NRXN1: variants seen among roughly 807,000 people sequenced by gnomAD.
The protein encoded by NRXN1 is neurexin-1.
In NRXN1, 39 loss-of-function variants were observed where a neutral mutation model predicts 150.9. The ratio of observed to expected loss-of-function variants is 0.26; its 90% CI spans 0.20 to 0.34. The LOEUF (loss-of-function observed/expected upper bound fraction) is 0.34. NRXN1 is among the 10% of genes least tolerant of loss of function. The probability of loss-of-function intolerance (pLI) is 1.00; values close to 1 mark genes in which losing one functional copy is unlikely to be tolerated. For synonymous variants in NRXN1, 924 were observed against 757.0 expected (o/e 1.22, Z -3.62); for missense variants, 1,815 against 1,949.9 (o/e 0.93, Z 1.30).
intron 2 of NRXN1, among the ~76,000 whole-genome samples, chr2:50,949,627 T>C (rs773614725): frequency 6.6e-6 from 1 of 152,028 alleles, no homozygotes; most frequent in Non-Finnish European, 1.5e-5. Flanking sequence ...CTGAGCATAA[T>C]ACATGGTGTG....
intron 22 of NRXN1, among the ~76,000 whole-genome samples, chr2:49,933,413 C>T (rs1399214502): frequency 6.6e-6 from 1 of 152,054 alleles, no homozygotes; most frequent in Non-Finnish European, 1.5e-5. Context: ...AGCAGTTGCC[C>T]AGTTCTAGCC....
At chr2:50,230,201 T>A (rs1424887250) in intron 18 of NRXN1, among the ~76,000 whole-genome samples, 1 of 152,016 alleles carries the variant, frequency 6.6e-6, no homozygotes, top group Non-Finnish European at 1.5e-5. Context: ...GAAAAAACTG[T>A]TCAATGACTG....
At position 50,880,753 on chromosome 2, in the gene NRXN1, T is replaced by C. The variant is rs563348999; in HGVS notation, c.832+41116A>G. Among the ~76,000 whole-genome samples the C allele has an allele frequency of 5.3e-5, 8 of 152,110 alleles. No individual in the cohort carries two copies. In the East Asian group the frequency reaches 9.7e-4, roughly 19 times the overall value. On this transcript the variant is annotated intron_variant, in intron 5 of 22. Coordinates refer to ENST00000401669, the MANE Select transcript of NRXN1 (RefSeq NM_001330078.2). Reference sequence around the variant, plus strand: ...GGAGTTTGACTGTGAACACCAATTATGGAACCCAGGTCTATAGAAATACAC... The same window carrying C: ...GGAGTTTGACTGTGAACACCAATTACGGAACCCAGGTCTATAGAAATACAC...
intron 17 of NRXN1, among the ~76,000 whole-genome samples, chr2:50,344,353 T>C (rs1047490376): frequency 3.3e-5 from 5 of 151,686 alleles, no homozygotes; most frequent in African/African-American, 9.7e-5. Context: ...TTGGCAGGGG[T>C]TGGTTACTGA....
rs551391855 is a variant in NRXN1, at chr2:49,998,673, T to A, written c.4128+54598A>T. Among the ~76,000 whole-genome samples the A allele has an allele frequency of 3.4e-4, 52 of 152,276 alleles. No individual in the cohort carries two copies. The South Asian group carries it at 4.4e-3, about 13-fold the overall frequency. ...GATGATGGACATAATTTAACCTTTT[T>A]AAAAAAAATAATGTCATGGCTTTCA... On this transcript the variant is annotated intron_variant, in intron 21 of 22. Transcript: ENST00000401669.
At chr2:50,129,154 A>C (rs1705086952) in intron 18 of NRXN1, among the ~76,000 whole-genome samples, 3 of 152,252 alleles carry the variant, frequency 2.0e-5, no homozygotes, top group Admixed American at 2.0e-4. Context: ...AAGAGAAATT[A>C]TCCTATCTGA....
intron 5 of NRXN1, among the ~76,000 whole-genome samples, chr2:50,810,642 TAC>T (rs1224393455): frequency 1.3e-5 from 2 of 152,238 alleles, no homozygotes; most frequent in African/African-American, 4.8e-5. Flanking sequence ...CTTGACACAA[TAC>T]AGAAATTAAT....
rs866362228 is a variant in NRXN1 at position 50,812,088 on chromosome 2, C to G, written c.832+109781G>C. ...TTGAGAAACCAGATGAAAAAAAAAA[C>G]TTAACTGTACTTTTCAAAAAACTTG... On this transcript the variant is annotated intron_variant, in intron 5 of 22. Transcript: ENST00000401669. Among the ~76,000 whole-genome samples the G allele has an allele frequency of 2.6e-5, 4 of 151,748 alleles. No individual in the cohort carries two copies. The South Asian group carries it at 6.2e-4, about 24-fold the overall frequency.
chr2:50,141,162 A>G (rs1707219188), intron 18 of NRXN1, among the ~76,000 whole-genome samples: 1 of 152,044 alleles, frequency 6.6e-6, no homozygotes, highest in Non-Finnish European at 1.5e-5. Flanking sequence ...TACAGATAAG[A>G]GAGTGATTAG....
chr2:50,842,999 A>C (rs1405496920), intron 5 of NRXN1, among the ~76,000 whole-genome samples: 1 of 152,192 alleles, frequency 6.6e-6, no homozygotes, highest in Admixed American at 6.5e-5. Flanking sequence ...AATCCAAATC[A>C]TTTACAGATG....
chr2:50,221,795 C>T (rs976538718), intron 18 of NRXN1, among the ~76,000 whole-genome samples: 10 of 151,984 alleles, frequency 6.6e-5, no homozygotes, highest in Non-Finnish European at 1.3e-4. Context: ...ATATGAGTTA[C>T]TCCCTTGATA....
intron 16 of NRXN1, among the ~76,000 whole-genome samples, chr2:50,471,341 T>C (rs1038758504): frequency 2.0e-5 from 3 of 151,814 alleles, no homozygotes; most frequent in Non-Finnish European, 4.4e-5. Flanking sequence ...CACTTATAAG[T>C]GAGTAACATG....
intron 18 of NRXN1, among the ~76,000 whole-genome samples, chr2:50,160,470 G>C (rs1208637085): frequency 6.6e-6 from 1 of 152,042 alleles, no homozygotes; most frequent in Admixed American, 6.6e-5. Context: ...GAACCCAGGA[G>C]GTGGAAGTTG....
At chr2:50,315,918 T>C (rs2075568049) in intron 17 of NRXN1, among the ~76,000 whole-genome samples, 1 of 152,024 alleles carries the variant, frequency 6.6e-6, no homozygotes, top group Non-Finnish European at 1.5e-5. Context: ...GAATAAAGTT[T>C]AAAGAATTTC....
chr2:50,552,333 G>C (rs1035961784), intron 9 of NRXN1, among the ~76,000 whole-genome samples: 4 of 152,114 alleles, frequency 2.6e-5, no homozygotes, highest in African/African-American at 7.2e-5. Context: ...TTTGGCACTT[G>C]ATTACCCAAT....
chr2:50,336,974 C>A (rs894901208), intron 17 of NRXN1, among the ~76,000 whole-genome samples: 17 of 151,952 alleles, frequency 1.1e-4, no homozygotes, highest in Admixed American at 1.3e-4. Flanking sequence ...CTGTTATGAA[C>A]CACTGGCAAT....
At chr2:50,194,062 C>A (rs1334658211) in intron 18 of NRXN1, among the ~76,000 whole-genome samples, 1 of 152,124 alleles carries the variant, frequency 6.6e-6, no homozygotes, top group African/African-American at 2.4e-5. Flanking sequence ...ACTTGCCCAC[C>A]AATTTACTGG....
At chr2:50,357,310 T>TTTTTTTTTTTA in intron 17 of NRXN1, among the ~76,000 whole-genome samples, 1 of 101,292 alleles carries the variant, frequency 9.9e-6, no homozygotes, top group African/African-American at 3.5e-5. Flanking sequence ...TTATTTTTTT[T>TTTTTTTTTTTA]TTTATTTATT....
intron 17 of NRXN1, among the ~76,000 whole-genome samples, chr2:50,403,206 TAGAG>T (rs1298536058): frequency 1.3e-5 from 2 of 152,080 alleles, no homozygotes; most frequent in Non-Finnish European, 2.9e-5. Context: ...ACTATATACT[TAGAG>T]AGGTCTCTAC....
Sources: allele counts gnomAD v4.1 joint callset (sites outside exome capture counted in the v4.1 genomes callset), GRCh38; gene constraint gnomAD v4.1.1; transcripts MANE v1.5; gene names NCBI Gene and HGNC (gene_info 2026-07-23, HGNC 2026-07-21).